Variants in SF3A3 observed in about 807,000 individuals in gnomAD.
SF3A3 encodes the protein SAP 61.
Under a neutral mutation model 85.8 loss-of-function variants are expected in SF3A3, and 9 were observed. The ratio of observed to expected loss-of-function variants is 0.10; its 90% CI spans 0.06 to 0.18. SF3A3 has a LOEUF of 0.18. SF3A3 is among the 10% of genes least tolerant of loss of function. The pLI, the probability that SF3A3 is intolerant of heterozygous loss-of-function variation, is 1.00. For synonymous variants in SF3A3, 195 were observed against 204.4 expected, an observed-to-expected ratio of 0.95 and a Z score of 0.39; for missense variants, 306 against 593.3, an observed-to-expected ratio of 0.52 and a Z score of 5.03.
chr1:37,981,934 C>CT, intron 6 of SF3A3, 123 bp from the exon 7 acceptor site: 1 of 624,046 alleles, frequency 1.6e-6, no homozygotes, highest in South Asian at 2.2e-5. Flanking sequence ...CAAGGGCTGG[C>CT]TAATTTTGGT....
intron 12 of SF3A3, among the ~76,000 whole-genome samples, chr1:37,975,380 G>C (rs1426980035): frequency 1.3e-5 from 2 of 152,152 alleles, no homozygotes; most frequent in African/African-American, 4.8e-5. Flanking sequence ...GCCAGGTGTG[G>C]TGGCACACAC....
rs991390188 is a variant in SF3A3, at chr1:37,963,713, C to T, written c.1373-3538G>A. On this transcript the variant is annotated intron_variant, in intron 15 of 16. Coordinates refer to ENST00000373019, the MANE Select transcript of SF3A3 (RefSeq NM_006802.4). ...CTGGGACTACAGGCGCCCGCCACAA[C>T]GTCCGACTAATTTTTTGTATTTTTA... Among the ~76,000 whole-genome samples, 6 of 150,944 alleles carry T rather than the reference C, an allele frequency of 4.0e-5. 1 individual carries two copies. Among genetic ancestry groups the T allele is most frequent in the African/African-American group, 9.7e-5 (4 of 41,172 alleles).
At chr1:37,985,728 T>C (rs1327887892) in intron 4 of SF3A3, among the ~76,000 whole-genome samples, 1 of 152,200 alleles carries the variant, frequency 6.6e-6, no homozygotes, top group Non-Finnish European at 1.5e-5. Context: ...ATGGTATTCA[T>C]TTATTCTCCC....
intron 2 of SF3A3, among the ~76,000 whole-genome samples, chr1:37,988,477 A>C (rs914342318): frequency 6.6e-6 from 1 of 152,220 alleles, no homozygotes; most frequent in East Asian, 1.9e-4. Flanking sequence ...ATTAAAGACC[A>C]TAAAAAGCCT....
At position 37,958,067 on chromosome 1, in the gene SF3A3, T is replaced by C. The variant is rs997024115; in HGVS notation, c.*119A>G. The C allele has an allele frequency of 1.4e-6, 1 of 718,426 alleles. No individual in the cohort carries two copies. Among genetic ancestry groups the C allele is most frequent in the African/African-American group, 1.8e-5 (1 of 56,708 alleles). 44.5% of individuals were successfully genotyped at this position (718,426 alleles called of 1,614,324 possible). Reference sequence around the variant, plus strand: ...GCATGCCTTGTTTCTACAAGATGCATGCTAGACCATGAGACTACATAGCAA... The same window carrying C: ...GCATGCCTTGTTTCTACAAGATGCACGCTAGACCATGAGACTACATAGCAA... On this transcript the variant is annotated 3_prime_UTR_variant, in exon 17 of 17. Coordinates refer to ENST00000373019, the MANE Select transcript of SF3A3 (RefSeq NM_006802.4).
At chr1:37,985,556 A>G (rs112657200) in intron 4 of SF3A3, among the ~76,000 whole-genome samples, 2 of 152,330 alleles carry the variant, frequency 1.3e-5, no homozygotes, top group African/African-American at 4.8e-5. Context: ...ATGTATTTGT[A>G]CAAGTACATT....
At chr1:37,970,936 A>G (rs186655761) in intron 12 of SF3A3, among the ~76,000 whole-genome samples, 41 of 152,302 alleles carry the variant, frequency 2.7e-4, no homozygotes, top group Non-Finnish European at 4.9e-4. Context: ...CTAACATCAC[A>G]ATTAAAAGAA....
intron 11 of SF3A3, among the ~76,000 whole-genome samples, chr1:37,977,383 G>C (rs1029049418): frequency 6.6e-6 from 1 of 152,144 alleles, no homozygotes; most frequent in East Asian, 1.9e-4. Flanking sequence ...CTGGGTTGTT[G>C]TGAGAATTAG....
At chr1:37,983,586 C>CAAAAAAACAAAAAAAAAAA (rs1646435244) in intron 6 of SF3A3, among the ~76,000 whole-genome samples, 1 of 38,490 alleles carries the variant, frequency 2.6e-5, no homozygotes, top group Non-Finnish European at 3.9e-5. Context: ...GACCCTGTCT[C>CAAAAAAACAAAAAAAAAAA]AAAAAAAAAA....
intron 13 of SF3A3, 34 bp from the exon 14 acceptor site, chr1:37,969,498 G>C (rs754613295): frequency 1.7e-5 from 28 of 1,611,962 alleles, no homozygotes; most frequent in Non-Finnish European, 2.1e-5. Flanking sequence ...AAACCAAGAA[G>C]TGTTAGCCTA....
At chr1:37,980,817 T>A in intron 7 of SF3A3, 93 bp from the exon 8 acceptor site, 1 of 904,720 alleles carries the variant, frequency 1.1e-6, no homozygotes, top group Non-Finnish European at 1.6e-6. Flanking sequence ...CTTATAATTC[T>A]AGTAATGCTA....
chr1:37,981,083 A>C (rs576062304), intron 7 of SF3A3, among the ~76,000 whole-genome samples: 36 of 152,148 alleles, frequency 2.4e-4, no homozygotes, highest in African/African-American at 8.7e-4. Flanking sequence ...TCCTGACCTC[A>C]GGTGATCCGT....
At position 37,977,071 on chromosome 1, in the gene SF3A3, C is replaced by T. The variant is rs114868902; in HGVS notation, c.936-118G>A. ...AAAAATTATAAGCACATGAGAAATA[C>T]GATGCTATGAAAGCAAATGCTCTGT... On this transcript the variant is annotated intron_variant, in intron 11 of 16. Transcript: ENST00000373019. 296 of 733,018 alleles carry T rather than the reference C, an allele frequency of 4.0e-4. No individual in the cohort carries two copies. The African/African-American group carries it at 4.3e-3, about 11-fold the overall frequency. The allele number at this position is 733,018 out of a possible 1,614,324, so 45.4% of individuals were successfully genotyped here.
chr1:37,971,114 C>T (rs565253721), intron 12 of SF3A3, among the ~76,000 whole-genome samples: 16 of 151,900 alleles, frequency 1.1e-4, no homozygotes, highest in African/African-American at 3.9e-4. Flanking sequence ...AGACCGCTAG[C>T]AAGACTAATA....
In SF3A3 at chr1:37,985,810, C is replaced by T. The variant is rs185293537; in HGVS notation, c.304-1031G>A. Among the ~76,000 whole-genome samples the T allele has an allele frequency of 2.6e-4, 39 of 152,190 alleles. 1 individual carries two copies. The highest frequency in any genetic ancestry group is 1.2e-3 in the Admixed American group (18 of 15,276). On this transcript the variant is annotated intron_variant, in intron 4 of 16. Coordinates refer to ENST00000373019, the MANE Select transcript of SF3A3 (RefSeq NM_006802.4). ...GTGTGAGGGTCCCTTCATTTACCTC[C>T]GCGCTATGTATTGCAATAAACAGCC... is the stretch of plus-strand genomic sequence containing the variant.
At position 37,961,759 on chromosome 1, in the gene SF3A3, CAAAAAAA is replaced by C. The variant is rs10699691; in HGVS notation, c.1373-1591_1373-1585del. ...AGCCTGGGTGACAAAGCAAGACTGC[CAAAAAAA>C]AAAAAAAAAAAAAAAAAGAAAGAAA... On this transcript the variant is annotated intron_variant, in intron 15 of 16. Coordinates refer to ENST00000373019, the MANE Select transcript of SF3A3 (RefSeq NM_006802.4). Among the ~76,000 whole-genome samples, 56 of 37,804 alleles carry C rather than the reference CAAAAAAA, an allele frequency of 1.5e-3. 1 individual carries two copies. The highest frequency in any genetic ancestry group is 4.6e-3 in the South Asian group (2 of 438). 24.8% of individuals were successfully genotyped at this position (37,804 alleles called of 152,430 possible). A position where few individuals can be genotyped will look rare whatever the true frequency, so the allele number is the denominator to read the frequency against.
chr1:37,989,820 G>C (rs570389550), intron 1 of SF3A3, 50 bp downstream of exon 1: 1 of 1,452,036 alleles, frequency 6.9e-7, no homozygotes, highest in Admixed American at 1.7e-5. Context: ...GGTCAAACAC[G>C]GGATAGAGGC....
intron 15 of SF3A3, among the ~76,000 whole-genome samples, chr1:37,964,241 A>G (rs971762263): frequency 1.3e-5 from 2 of 152,168 alleles, no homozygotes; most frequent in Non-Finnish European, 2.9e-5. Context: ...CTTTCTAGAA[A>G]GACTCTTAAT....
intron 15 of SF3A3, among the ~76,000 whole-genome samples, chr1:37,967,742 C>T (rs1421268741): frequency 6.8e-6 from 1 of 148,028 alleles, no homozygotes; most frequent in Non-Finnish European, 1.5e-5. Context: ...TGCCTGTAGT[C>T]CCAGCTACTC....
Sources: gnomAD v4.1 joint callset for allele counts (sites outside exome capture counted in the v4.1 genomes callset) on GRCh38, gnomAD v4.1.1 for gene constraint, MANE v1.5 for transcripts, NCBI Gene and HGNC (gene_info 2026-07-23, HGNC 2026-07-21) for gene names.